ZCCHC7: variants seen among roughly 807,000 people sequenced by gnomAD.
The protein encoded by ZCCHC7 is zinc finger CCHC domain-containing protein 7.
ZCCHC7 carries 35 observed loss-of-function variants against 52.0 expected under a neutral mutation model. That is an observed-to-expected ratio of 0.67 (90% CI 0.51 to 0.89). The LOEUF is 0.89. Among genes scored for constraint, ZCCHC7 ranks in the 40% least tolerant of loss-of-function variants. The pLI, the probability that ZCCHC7 is intolerant of heterozygous loss-of-function variation, is 0.00. For missense variants in ZCCHC7, 574 were observed against 649.1 expected, an observed-to-expected ratio of 0.88 and a Z score of 1.26; for synonymous variants, 217 against 221.5, an observed-to-expected ratio of 0.98 and a Z score of 0.18.
At position 37,349,451 on chromosome 9, in the gene ZCCHC7, A is replaced by C. The variant is rs1479894516; in HGVS notation, c.1082A>C (p.His361Pro). The C allele has an allele frequency of 1.2e-6, 2 of 1,613,696 alleles. No individual in the cohort carries two copies. Among genetic ancestry groups the C allele is most frequent in the Admixed American group, 3.3e-5 (2 of 59,974 alleles). Residue 361 changes from histidine to proline, a missense_variant and splice_region_variant, in exon 7 of 9, where the codon CAC becomes CCC. Coordinates refer to ENST00000336755, the MANE Select transcript of ZCCHC7 (RefSeq NM_032226.3). ...TGCGCGCAAAAAGGCCATTATGGAC[A>C]CGTAAGTTTGAGTGACATTTGGGCA... is the stretch of plus-strand genomic sequence containing the variant. ...YHCAQKGHYG[H>P]ECPEREVYDP...
intron 5 of ZCCHC7, among the ~76,000 whole-genome samples, chr9:37,311,611 T>C (rs1354036627): frequency 6.6e-6 from 1 of 152,176 alleles, no homozygotes; most frequent in Non-Finnish European, 1.5e-5. Flanking sequence ...GGTTTCACTA[T>C]GTTGGCCAGG....
intron 6 of ZCCHC7, among the ~76,000 whole-genome samples, chr9:37,348,614 G>A (rs1042502886): frequency 5.9e-5 from 9 of 151,948 alleles, no homozygotes; most frequent in Admixed American, 5.2e-4. Flanking sequence ...TCCTGACCTC[G>A]TGATCCGCCC....
At chr9:37,138,937 G>T (rs1165556792) in intron 2 of ZCCHC7, among the ~76,000 whole-genome samples, 1 of 151,822 alleles carries the variant, frequency 6.6e-6, no homozygotes, top group Non-Finnish European at 1.5e-5. Context: ...AATTTGATGT[G>T]AGCTACATAT....
chr9:37,239,675 TG>T (rs1367762424), intron 2 of ZCCHC7, among the ~76,000 whole-genome samples: 1 of 152,086 alleles, frequency 6.6e-6, no homozygotes, highest in Non-Finnish European at 1.5e-5. Context: ...GTTGAAAAAG[TG>T]ATGATTCATC....
At chr9:37,350,192 G>A (rs557746474) in intron 7 of ZCCHC7, among the ~76,000 whole-genome samples, 1 of 144,244 alleles carries the variant, frequency 6.9e-6, no homozygotes, top group Admixed American at 7.0e-5. Flanking sequence ...GCAATGACAC[G>A]ATCTCAGCTC....
At chr9:37,166,555 A>T (rs1010265799) in intron 2 of ZCCHC7, among the ~76,000 whole-genome samples, 1 of 151,592 alleles carries the variant, frequency 6.6e-6, no homozygotes, top group Non-Finnish European at 1.5e-5. Context: ...AACTTTTTAA[A>T]CTTTTTTTAT....
At chr9:37,275,631 C>G (rs1827648258) in intron 2 of ZCCHC7, among the ~76,000 whole-genome samples, 1 of 151,914 alleles carries the variant, frequency 6.6e-6, no homozygotes. Flanking sequence ...GAATGGCAGA[C>G]TCTTTTTTCT....
intron 6 of ZCCHC7, among the ~76,000 whole-genome samples, chr9:37,336,334 T>C (rs1830656735): frequency 1.3e-5 from 2 of 152,322 alleles, no homozygotes; most frequent in African/African-American, 2.4e-5. Flanking sequence ...TATTTCATGT[T>C]TGTTCCTTGT....
chr9:37,193,945 T>A (rs1823150153), intron 2 of ZCCHC7, among the ~76,000 whole-genome samples: 1 of 152,212 alleles, frequency 6.6e-6, no homozygotes, highest in Admixed American at 6.5e-5. Context: ...AAAATTATTA[T>A]TTGAATGCCT....
chr9:37,140,651 A>G (rs1373751276), intron 2 of ZCCHC7, among the ~76,000 whole-genome samples: 1 of 151,952 alleles, frequency 6.6e-6, no homozygotes, highest in Non-Finnish European at 1.5e-5. Context: ...TTTTATTATC[A>G]GATCTAACAG....
chr9:37,219,391 G>C lies in ZCCHC7; in HGVS notation c.611-82797G>C, dbSNP rs1824693984. Among the ~76,000 whole-genome samples the C allele has an allele frequency of 4.6e-5, 7 of 152,164 alleles. No homozygotes were observed. In the South Asian group the frequency reaches 1.2e-3, roughly 27 times the overall value. On this transcript the variant is annotated intron_variant, in intron 2 of 8. Coordinates refer to ENST00000336755, the MANE Select transcript of ZCCHC7 (RefSeq NM_032226.3). ...AAAAGTTTGCTAACTCCTGCACTAG[G>C]TACTCGCTCACTAATTTTATACCTG...
chr9:37,170,771 G>C (rs1254909583), intron 2 of ZCCHC7, among the ~76,000 whole-genome samples: 1 of 152,030 alleles, frequency 6.6e-6, no homozygotes, highest in Non-Finnish European at 1.5e-5. Context: ...CAAATACTTG[G>C]ACATTCTAGC....
chr9:37,284,213 C>T (rs529470762), intron 2 of ZCCHC7: 8 of 152,206 alleles, frequency 5.3e-5, no homozygotes, highest in African/African-American at 1.4e-4. Context: ...GTTCTGCAAA[C>T]GTTGGCCTAA....
intron 2 of ZCCHC7, among the ~76,000 whole-genome samples, chr9:37,295,387 T>A (rs962223926): frequency 1.3e-5 from 2 of 152,174 alleles, no homozygotes; most frequent in African/African-American, 4.8e-5. Context: ...TACAAAGGAA[T>A]TTTATGTGTA....
At chr9:37,289,591 A>C (rs576521748) in intron 2 of ZCCHC7, among the ~76,000 whole-genome samples, 1 of 152,344 alleles carries the variant, frequency 6.6e-6, no homozygotes, top group African/African-American at 2.4e-5. Flanking sequence ...TTATTGCAGT[A>C]ACATTCTAAC....
intron 5 of ZCCHC7, among the ~76,000 whole-genome samples, chr9:37,318,741 T>G (rs1000354069): frequency 6.6e-6 from 1 of 151,694 alleles, no homozygotes; most frequent in Non-Finnish European, 1.5e-5. Flanking sequence ...GTTGAAACCC[T>G]GTCTCTCCTA....
At chr9:37,221,687 G>GA (rs1358657767) in intron 2 of ZCCHC7, among the ~76,000 whole-genome samples, 1 of 152,078 alleles carries the variant, frequency 6.6e-6, no homozygotes, top group Non-Finnish European at 1.5e-5. Flanking sequence ...TTTGAATAGA[G>GA]AAAGTAAACT....
chr9:37,298,387 C>A (rs955981989), intron 2 of ZCCHC7, among the ~76,000 whole-genome samples: 1 of 152,178 alleles, frequency 6.6e-6, no homozygotes, highest in Admixed American at 6.5e-5. Context: ...ATATCAATAT[C>A]ATCACCAGAT....
intron 2 of ZCCHC7, among the ~76,000 whole-genome samples, chr9:37,157,977 A>C (rs1820903462): frequency 6.6e-6 from 1 of 152,216 alleles, no homozygotes; most frequent in Non-Finnish European, 1.5e-5. Flanking sequence ...TGTCTTGAGG[A>C]GATATTTGCA....
Sources: gnomAD v4.1 joint callset for allele counts (sites outside exome capture counted in the v4.1 genomes callset) on GRCh38, gnomAD v4.1.1 for gene constraint, MANE v1.5 for transcripts, NCBI Gene and HGNC (gene_info 2026-07-23, HGNC 2026-07-21) for gene names.